Variants in DAB1 observed in about 807,000 individuals in gnomAD.
DAB1 encodes the protein DAB adaptor protein 1.
In DAB1, 15 loss-of-function variants were observed where a neutral mutation model predicts 64.6. The ratio of observed to expected loss-of-function variants is 0.23; its 90% CI spans 0.16 to 0.36. DAB1 has a LOEUF of 0.36. DAB1 is among the 10% of genes least tolerant of loss of function. The pLI, the probability that DAB1 is intolerant of heterozygous loss-of-function variation, is 1.00. For missense variants in DAB1, 596 were observed against 706.7 expected (o/e 0.84, Z 1.78); for synonymous variants, 235 against 251.9 (o/e 0.93, Z 0.64).
chr1:57,937,814 T>G (rs1182173324), intron 5 of DAB1, among the ~76,000 whole-genome samples: 2 of 152,218 alleles, frequency 1.3e-5, no homozygotes, highest in Non-Finnish European at 2.9e-5. Context: ...GGAGCTGATG[T>G]CCTGGAGCAG....
At chr1:58,345,485 C>T (rs1557736248) in intron 3 of DAB1, among the ~76,000 whole-genome samples, 1 of 152,180 alleles carries the variant, frequency 6.6e-6, no homozygotes, top group Admixed American at 6.5e-5. Flanking sequence ...AGCAGGGATG[C>T]CTCCATTCCC....
intron 6 of DAB1, among the ~76,000 whole-genome samples, chr1:57,748,212 T>G (rs1417297008): frequency 6.6e-6 from 1 of 152,192 alleles, no homozygotes; most frequent in Admixed American, 6.5e-5. Flanking sequence ...TCAAAGACCT[T>G]GCCCCAATAC....
intron 7 of DAB1, among the ~76,000 whole-genome samples, chr1:57,615,795 G>T (rs1645784975): frequency 6.6e-6 from 1 of 152,182 alleles, no homozygotes; most frequent in Non-Finnish European, 1.5e-5. Context: ...TTTACCAACT[G>T]AAAGCATCTT....
In DAB1 at chr1:57,767,282, A is replaced by G. The variant is rs377471297; in HGVS notation, n.551+116717T>C. On this transcript the variant is annotated intron_variant and non_coding_transcript_variant, in intron 6 of 20. Transcript: ENST00000485760. ...TCAACTCATTAGCATAAACTCAGGT[A>G]TGGTTGAAAGGGGTGTGTTATGAAT... Among the ~76,000 whole-genome samples the G allele has an allele frequency of 1.2e-4, 19 of 152,258 alleles. No individual in the cohort carries two copies. The East Asian group carries it at 3.1e-3, about 25-fold the overall frequency.
chr1:58,148,668 T>C (rs528814647), intron 5 of DAB1, among the ~76,000 whole-genome samples: 5 of 152,144 alleles, frequency 3.3e-5, no homozygotes, highest in Admixed American at 6.5e-5. Context: ...AGCAAAGGCA[T>C]GTCTTACATG....
At chr1:57,771,341 A>T (rs1230539219) in intron 6 of DAB1, among the ~76,000 whole-genome samples, 1 of 152,136 alleles carries the variant, frequency 6.6e-6, no homozygotes, top group Non-Finnish European at 1.5e-5. Context: ...AAATAGAATA[A>T]TTAGCAACCA....
intron 4 of DAB1, among the ~76,000 whole-genome samples, chr1:58,337,802 T>C (rs1167842278): frequency 1.3e-5 from 2 of 152,154 alleles, no homozygotes; most frequent in African/African-American, 4.8e-5. Context: ...GGAGAGACAG[T>C]GGTTTGTCAT....
intron 7 of DAB1, among the ~76,000 whole-genome samples, chr1:57,515,898 TTC>T (rs1558452344): frequency 6.6e-6 from 1 of 152,148 alleles, no homozygotes; most frequent in Admixed American, 6.5e-5. Flanking sequence ...AAGTACAATT[TTC>T]TCTCTTTTCC....
chr1:57,478,076 G>A lies in DAB1; in HGVS notation n.625+171516C>T, dbSNP rs559900810. Among the ~76,000 whole-genome samples the A allele has an allele frequency of 5.4e-5, 8 of 147,570 alleles. No homozygotes were observed. The South Asian group carries it at 1.1e-3, about 20-fold the overall frequency. ...CCGCCCCCGACCCCACAACAGGCCCGGGTGTGTGATGTTCCCCTTCCTTTG... is the reference window on the plus strand; with the variant it reads ...CCGCCCCCGACCCCACAACAGGCCCAGGTGTGTGATGTTCCCCTTCCTTTG... On this transcript the variant is annotated intron_variant and non_coding_transcript_variant, in intron 7 of 20. Coordinates refer to the DAB1 transcript ENST00000485760.
At chr1:57,356,365 C>A (rs746642619) in intron 1 of DAB1, among the ~76,000 whole-genome samples, 10 of 152,030 alleles carry the variant, frequency 6.6e-5, no homozygotes, top group Non-Finnish European at 1.2e-4. Flanking sequence ...AGAGTAATTA[C>A]AATAAAAAGT....
At chr1:57,997,828 A>G (rs1011618848) in intron 5 of DAB1, among the ~76,000 whole-genome samples, 3 of 151,876 alleles carry the variant, frequency 2.0e-5, no homozygotes, top group Non-Finnish European at 4.4e-5. Context: ...TTGGTCCCCA[A>G]TTTGATCTAA....
chr1:57,889,956 T>C (rs1644286495), intron 5 of DAB1, among the ~76,000 whole-genome samples: 1 of 149,782 alleles, frequency 6.7e-6, no homozygotes, highest in Admixed American at 6.7e-5. Flanking sequence ...GATTGGCTGA[T>C]GATCATTCAG....
intron 3 of DAB1, among the ~76,000 whole-genome samples, chr1:58,486,997 A>G (rs1337148167): frequency 6.6e-6 from 1 of 152,256 alleles, no homozygotes; most frequent in Non-Finnish European, 1.5e-5. Context: ...AAGTTAGATG[A>G]GAAGCCACTA....
intron 3 of DAB1, among the ~76,000 whole-genome samples, chr1:58,462,153 T>C (rs1645249962): frequency 7.2e-6 from 1 of 137,952 alleles, no homozygotes; most frequent in Non-Finnish European, 1.5e-5. Flanking sequence ...GGAGTCTCGC[T>C]CTGTCGCCCA....
Position 58,329,769 on chromosome 1 carries a change from T to C in DAB1, n.309+13583A>G, listed in dbSNP as rs571814012. On this transcript the variant is annotated intron_variant and non_coding_transcript_variant, in intron 4 of 20. Coordinates refer to the DAB1 transcript ENST00000485760. Reference sequence around the variant, plus strand: ...TAATCAGTATCTTTTGATGTTACTATTGCAACTGTTTTGGGGCACCGTGAA... The same window carrying C: ...TAATCAGTATCTTTTGATGTTACTACTGCAACTGTTTTGGGGCACCGTGAA... Among the ~76,000 whole-genome samples the C allele has an allele frequency of 3.9e-5, 6 of 152,346 alleles. No homozygotes were observed. The South Asian group carries it at 1.2e-3, about 32-fold the overall frequency.
chr1:57,754,514 C>T (rs1264900589), intron 6 of DAB1, among the ~76,000 whole-genome samples: 2 of 151,730 alleles, frequency 1.3e-5, no homozygotes, highest in Non-Finnish European at 2.9e-5. Context: ...GGTAAAACCC[C>T]GTCTCTACTA....
intron 7 of DAB1, among the ~76,000 whole-genome samples, chr1:57,431,404 C>G (rs1468598988): frequency 2.0e-5 from 3 of 152,208 alleles, no homozygotes; most frequent in African/African-American, 7.2e-5. Context: ...CTCTTGTATG[C>G]CTTGGACATA....
intron 2 of DAB1, among the ~76,000 whole-genome samples, 172 bp downstream of exon 2, chr1:57,290,792 G>C (rs574065288): frequency 1.3e-5 from 2 of 152,010 alleles, no homozygotes; most frequent in Non-Finnish European, 2.9e-5. Context: ...GATTTTATCT[G>C]GAGAATAATG....
intron 4 of DAB1, among the ~76,000 whole-genome samples, chr1:57,098,422 T>C (rs1654367521): frequency 6.6e-6 from 1 of 152,220 alleles, no homozygotes; most frequent in African/African-American, 2.4e-5. Context: ...GAATTTGAAC[T>C]CAGGACTATA....
Sources: allele counts gnomAD v4.1 joint callset (sites outside exome capture counted in the v4.1 genomes callset), GRCh38; gene constraint gnomAD v4.1.1; transcripts MANE v1.5; gene names NCBI Gene and HGNC (gene_info 2026-07-23, HGNC 2026-07-21).